The following TEX9 variants were observed in gnomAD, a reference collection of about 807,000 sequenced individuals.
The protein encoded by TEX9 is testis-expressed protein 9.
TEX9 carries 74 observed loss-of-function variants against 59.6 expected under a neutral mutation model. The observed-to-expected ratio is 1.24, with a 90% CI of 1.03 to 1.51. The LOEUF (loss-of-function observed/expected upper bound fraction) is 1.51, where lower values mean the gene tolerates loss of function less well. TEX9 is among the 40% of genes most tolerant of loss of function. The pLI, the probability that TEX9 is intolerant of heterozygous loss-of-function variation, is 0.00. For synonymous variants in TEX9, 186 were observed against 152.2 expected, an observed-to-expected ratio of 1.22 and a Z score of -1.64; for missense variants, 522 against 447.8, an observed-to-expected ratio of 1.17 and a Z score of -1.49.
intron 1 of TEX9, among the ~76,000 whole-genome samples, chr15:56,285,085 CT>C: frequency 6.6e-6 from 1 of 152,170 alleles, no homozygotes; most frequent in East Asian, 1.9e-4. Flanking sequence ...CCCATATTCA[CT>C]TTTTTTGCTC....
chr15:56,316,799 G>A lies in TEX9; in HGVS notation c.-106-56642G>A, dbSNP rs564301382. 1.4e-4 allele frequency among the ~76,000 whole-genome samples: 21 copies of A among 152,328 alleles called. No homozygotes were observed. The South Asian group carries it at 1.5e-3, about 11-fold the overall frequency. ...TCAGACTGCTGTGCTAGCAATCAGC[G>A]AGACTCCGTGAGCGTAGGACCCTCC... On this transcript the variant is annotated intron_variant, in intron 1 of 5. Transcript: ENST00000560827.
At chr15:56,451,305 G>A in the TEX9 span, among the ~76,000 whole-genome samples, 2 of 152,286 alleles carry the variant, frequency 1.3e-5, no homozygotes, top group South Asian at 4.1e-4. Context: ...GTCCTGCATT[G>A]GGAACAAGGG....
chr15:56,417,292 G>T (rs554503909), intron 10 of TEX9, among the ~76,000 whole-genome samples: 1 of 151,762 alleles, frequency 6.6e-6, no homozygotes, highest in Non-Finnish European at 1.5e-5. Context: ...GTGAAGTTAC[G>T]TTGTTAATTT....
exon 5 of TEX9, chr15:56,388,513 A>T (rs1223703457): frequency 1.2e-6 from 2 of 1,611,310 alleles, no homozygotes; most frequent in Non-Finnish European, 1.7e-6. Flanking sequence ...CTTCATTCAG[A>T]AACTAAGGTA....
the TEX9 span, among the ~76,000 whole-genome samples, chr15:56,456,905 A>G: frequency 6.6e-6 from 1 of 152,166 alleles, no homozygotes; most frequent in Non-Finnish European, 1.5e-5. Flanking sequence ...TTCAGTATGA[A>G]TATCTACCTG....
intron 12 of TEX9, among the ~76,000 whole-genome samples, chr15:56,438,437 C>T (rs1255962208): frequency 6.6e-6 from 1 of 151,976 alleles, no homozygotes; most frequent in Non-Finnish European, 1.5e-5. Flanking sequence ...AACTGGCTAG[C>T]CATAGGTAGA....
At chr15:56,244,684 T>A (rs1393084661) in intron 1 of TEX9, among the ~76,000 whole-genome samples, 1 of 147,746 alleles carries the variant, frequency 6.8e-6, no homozygotes, top group Admixed American at 7.0e-5. Flanking sequence ...TCAGGGTCCC[T>A]GCAGCCAAGG....
At chr15:56,380,754 G>C (rs1051629444) in intron 3 of TEX9, among the ~76,000 whole-genome samples, 20 of 152,036 alleles carry the variant, frequency 1.3e-4, no homozygotes, top group Non-Finnish European at 1.2e-4. Context: ...CTCTCTCCTG[G>C]TCTGTAAGGT....
At chr15:56,403,956 C>T (rs2048935713) in intron 9 of TEX9, among the ~76,000 whole-genome samples, 1 of 152,188 alleles carries the variant, frequency 6.6e-6, no homozygotes. Context: ...TGGATCCCTT[C>T]CTTACACGTT....
chr15:56,401,167 A>G (rs1328276473), intron 9 of TEX9, among the ~76,000 whole-genome samples: 2 of 152,158 alleles, frequency 1.3e-5, no homozygotes, highest in African/African-American at 4.8e-5. Flanking sequence ...AAATGCCCCA[A>G]TTAAAAGACA....
chr15:56,430,684 C>A (rs910949839), intron 12 of TEX9, among the ~76,000 whole-genome samples: 6 of 152,128 alleles, frequency 3.9e-5, no homozygotes, highest in African/African-American at 1.4e-4. Context: ...TGTTTTCATA[C>A]ACATTCTCAT....
In TEX9 at chr15:56,259,711, CTA is replaced by C. The variant is rs2044221169; in HGVS notation, c.-107+15436_-107+15437del. Among the ~76,000 whole-genome samples the C allele has an allele frequency of 2.0e-5, 3 of 152,002 alleles. No homozygotes were observed. The South Asian group carries it at 6.2e-4, about 31-fold the overall frequency. On this transcript the variant is annotated intron_variant, in intron 1 of 5. Coordinates refer to the TEX9 transcript ENST00000560827. Reference sequence around the variant, plus strand: ...TTTATTCTTCTTCATTTCTTGGCTGCTATAGGTCATTTGCATTTCCATATAAC... The same window carrying C: ...TTTATTCTTCTTCATTTCTTGGCTGCTAGGTCATTTGCATTTCCATATAAC...
intron 12 of TEX9, among the ~76,000 whole-genome samples, chr15:56,441,830 C>A (rs186127543): frequency 6.6e-6 from 1 of 151,872 alleles, no homozygotes; most frequent in Non-Finnish European, 1.5e-5. Context: ...CTGGCTAACA[C>A]GGTGAAACCC....
intron 1 of TEX9, among the ~76,000 whole-genome samples, chr15:56,332,404 G>T (rs2046167471): frequency 6.7e-6 from 1 of 149,814 alleles, no homozygotes; most frequent in African/African-American, 2.5e-5. Context: ...TCACCCATAG[G>T]TGGGAATTGA....
chr15:56,255,313 T>C (rs1169348060), intron 1 of TEX9, among the ~76,000 whole-genome samples: 1 of 152,004 alleles, frequency 6.6e-6, no homozygotes, highest in Non-Finnish European at 1.5e-5. Context: ...CAAAGCATGA[T>C]GGAGAGATAG....
chr15:56,427,977 A>C (rs1360119734), intron 11 of TEX9, among the ~76,000 whole-genome samples: 1 of 152,084 alleles, frequency 6.6e-6, no homozygotes, highest in African/African-American at 2.4e-5. Flanking sequence ...TGGAAAATAC[A>C]GTATAGGTAC....
chr15:56,260,167 C>T (rs1247529654), intron 1 of TEX9, among the ~76,000 whole-genome samples: 1 of 152,074 alleles, frequency 6.6e-6, no homozygotes, highest in Non-Finnish European at 1.5e-5. Context: ...TCTATATTTA[C>T]AATCATGTCA....
chr15:56,438,319 A>G lies in TEX9; in HGVS notation c.*30-7352A>G, dbSNP rs372521862. On this transcript the variant is annotated intron_variant, in intron 12 of 12. Transcript: ENST00000352903. ...CCCTCAGAAATAGTACCACACATCT[A>G]CAACCATCTGCTCTTTTTTTTTGTT... 2.0e-5 allele frequency among the ~76,000 whole-genome samples: 3 copies of G among 152,128 alleles called. No homozygotes were observed. In the East Asian group the frequency reaches 5.8e-4, roughly 29 times the overall value.
intron 11 of TEX9, among the ~76,000 whole-genome samples, chr15:56,428,151 T>C (rs762015744): frequency 2.4e-4 from 36 of 152,080 alleles, no homozygotes; most frequent in Non-Finnish European, 4.4e-5. Flanking sequence ...ATTTAAAATA[T>C]TATAGAATTA....
Sources: gnomAD v4.1 joint callset for allele counts (sites outside exome capture counted in the v4.1 genomes callset) on GRCh38, gnomAD v4.1.1 for gene constraint, MANE v1.5 for transcripts, NCBI Gene and HGNC (gene_info 2026-07-23, HGNC 2026-07-21) for gene names.